DIAPH2: variants seen among roughly 807,000 people sequenced by gnomAD.
DIAPH2 encodes the protein protein diaphanous homolog 2.
DIAPH2 carries 35 observed loss-of-function variants against 92.7 expected under a neutral mutation model. The ratio of observed to expected loss-of-function variants is 0.38; its 90% confidence interval spans 0.29 to 0.50. DIAPH2 has a LOEUF of 0.50. Ranked by LOEUF, DIAPH2 falls within the 20% of genes least tolerant of loss-of-function variation. The pLI is 0.94. For synonymous variants in DIAPH2, 301 were observed against 280.4 expected (o/e 1.07, Z -0.73); for missense variants, 701 against 819.5 (o/e 0.86, Z 1.77).
intron 22 of DIAPH2, among the ~76,000 whole-genome samples, chrX:97,182,125 G>A (rs1224325058): frequency 3.6e-5 from 4 of 111,384 alleles, no homozygotes; most frequent in Non-Finnish European, 5.6e-5. Flanking sequence ...CCCTTGATGA[G>A]ATTCCAGTAG....
intron 23 of DIAPH2, among the ~76,000 whole-genome samples, chrX:97,335,931 G>GA (rs773328955): frequency 9.0e-6 from 1 of 111,496 alleles, no homozygotes; most frequent in East Asian, 2.8e-4. Context: ...TAGATCTATA[G>GA]AATCTGGTTC....
At chrX:97,278,644 T>A (rs898530695) in intron 23 of DIAPH2, among the ~76,000 whole-genome samples, 5 of 112,367 alleles carry the variant, frequency 4.4e-5, no homozygotes, top group African/African-American at 1.6e-4. Flanking sequence ...ATTTTGAGGC[T>A]TGATGGTTCA....
At chrX:96,737,694 G>T (rs1282914443) in intron 2 of DIAPH2, among the ~76,000 whole-genome samples, 1 of 111,822 alleles carries the variant, frequency 8.9e-6, no homozygotes, top group East Asian at 2.8e-4. Context: ...AATTATTAGA[G>T]ATTTTACATG....
chrX:97,496,269 G>A (rs758751304), intron 26 of DIAPH2, among the ~76,000 whole-genome samples: 101 of 91,139 alleles, frequency 1.1e-3, no homozygotes, highest in African/African-American at 4.1e-3. Flanking sequence ...TCCATCTCCC[G>A]GGCTCAAGAG....
intron 11 of DIAPH2, among the ~76,000 whole-genome samples, chrX:96,938,366 A>T (rs1005945307): frequency 2.7e-5 from 3 of 111,625 alleles, no homozygotes; most frequent in Admixed American, 1.9e-4. Context: ...CTATAATATT[A>T]AATGTTTTTC....
chrX:97,512,383 A>C (rs1477506944), intron 26 of DIAPH2, among the ~76,000 whole-genome samples: 1 of 112,214 alleles, frequency 8.9e-6, no homozygotes, highest in African/African-American at 3.2e-5. Flanking sequence ...TATTGCGTCT[A>C]TTTGATTCTT....
chrX:97,527,225 G>A (rs1439437813), intron 26 of DIAPH2, among the ~76,000 whole-genome samples: 1 of 111,946 alleles, frequency 8.9e-6, no homozygotes, highest in Non-Finnish European at 1.9e-5. Flanking sequence ...ACTTAACTGG[G>A]TCGTACATGA....
At position 97,342,137 on chromosome X, in the gene DIAPH2, G is replaced by A. The variant is rs190731388; in HGVS notation, c.2845-5979G>A. 4.5e-5 allele frequency among the ~76,000 whole-genome samples: 5 copies of A among 112,219 alleles called. No individual in the cohort carries two copies. The East Asian group carries it at 1.4e-3, about 31-fold the overall frequency. On this transcript the variant is annotated intron_variant, in intron 23 of 26. Coordinates refer to ENST00000324765, the MANE Select transcript of DIAPH2 (RefSeq NM_006729.5). Reference sequence around the variant, plus strand: ...TATTAAAATGTATTTAAGATGTTCAGATTGATGAAACGAGGGGATTAAAAT... The same window carrying A: ...TATTAAAATGTATTTAAGATGTTCAAATTGATGAAACGAGGGGATTAAAAT...
intron 23 of DIAPH2, among the ~76,000 whole-genome samples, chrX:97,263,326 A>G (rs1042232471): frequency 9.0e-6 from 1 of 111,642 alleles, no homozygotes; most frequent in Admixed American, 9.6e-5. Context: ...ACAGTTATTC[A>G]GTGAAATCTC....
intron 26 of DIAPH2, among the ~76,000 whole-genome samples, chrX:97,575,066 C>T (rs183564358): frequency 7.1e-5 from 8 of 112,463 alleles, no homozygotes; most frequent in Non-Finnish European, 1.5e-4. Context: ...GAAGGATTCT[C>T]GGATGATTTA....
intron 4 of DIAPH2, among the ~76,000 whole-genome samples, chrX:96,773,964 A>T (rs1360512395): frequency 8.9e-6 from 1 of 112,372 alleles, no homozygotes; most frequent in African/African-American, 3.2e-5. Flanking sequence ...GTATTTTATT[A>T]TGGCAGCCCT....
chrX:97,400,036 T>A (rs2147748205), intron 25 of DIAPH2, among the ~76,000 whole-genome samples: 1 of 112,247 alleles, frequency 8.9e-6, no homozygotes, highest in African/African-American at 3.2e-5. Flanking sequence ...ACACATGAAT[T>A]TGGACCTTAA....
At chrX:96,837,773 G>A (rs1400313882) in intron 4 of DIAPH2, among the ~76,000 whole-genome samples, 2 of 111,104 alleles carry the variant, frequency 1.8e-5, no homozygotes, top group African/African-American at 6.5e-5. Context: ...TTGAACTCTT[G>A]TGGGCACATC....
intron 4 of DIAPH2, among the ~76,000 whole-genome samples, chrX:96,848,041 T>G (rs2147709100): frequency 9.0e-6 from 1 of 110,519 alleles, no homozygotes; most frequent in East Asian, 2.8e-4. Context: ...TAAAAATTAT[T>G]ATTATTATTT....
At chrX:97,279,348 G>A (rs749884194) in intron 23 of DIAPH2, among the ~76,000 whole-genome samples, 1 of 97,819 alleles carries the variant, frequency 1.0e-5, no homozygotes, top group African/African-American at 3.9e-5. Context: ...TGTCACCCAC[G>A]CTGGAGTGCA....
At chrX:97,519,870 C>A (rs1237839279) in intron 26 of DIAPH2, among the ~76,000 whole-genome samples, 1 of 110,636 alleles carries the variant, frequency 9.0e-6, no homozygotes, top group African/African-American at 3.3e-5. Context: ...GCATTACAGG[C>A]GCGCTGTAAT....
At chrX:97,044,069 A>T (rs1489811548) in intron 17 of DIAPH2, among the ~76,000 whole-genome samples, 3 of 112,261 alleles carry the variant, frequency 2.7e-5, no homozygotes, top group African/African-American at 9.7e-5. Context: ...TATCTACAAG[A>T]GTGTCATTTT....
intron 22 of DIAPH2, among the ~76,000 whole-genome samples, chrX:97,171,271 TG>T (rs2147452311): frequency 8.9e-6 from 1 of 112,693 alleles, no homozygotes; most frequent in South Asian, 3.6e-4. Context: ...ACGGTTTATA[TG>T]TAGCCAATAT....
At chrX:97,119,399 G>A (rs754837841) in intron 21 of DIAPH2, among the ~76,000 whole-genome samples, 5 of 111,747 alleles carry the variant, frequency 4.5e-5, no homozygotes, top group African/African-American at 1.6e-4. Context: ...GGCCTGTGAT[G>A]TGAACCATCT....
Sources: gnomAD v4.1 joint callset for allele counts (sites outside exome capture counted in the v4.1 genomes callset) on GRCh38, gnomAD v4.1.1 for gene constraint, MANE v1.5 for transcripts, NCBI Gene and HGNC (gene_info 2026-07-23, HGNC 2026-07-21) for gene names.